The following NDUFA6 variants were observed in gnomAD, a reference collection of about 807,000 sequenced individuals.
NDUFA6 encodes the protein NADH dehydrogenase [ubiquinone] 1 alpha subcomplex subunit 6.
NDUFA6 carries 10 observed loss-of-function variants against 12.5 expected under a neutral mutation model. That is an observed-to-expected ratio of 0.80 (90% confidence interval 0.49 to 1.35). NDUFA6 has a LOEUF of 1.35. Ranked by LOEUF, NDUFA6 falls within the 40% of genes most tolerant of loss-of-function variation. The pLI is 0.00. For missense variants in NDUFA6, 177 were observed against 173.5 expected (o/e 1.02, Z -0.11); for synonymous variants, 66 against 63.0 (o/e 1.05, Z -0.23).
At position 42,090,638 on chromosome 22, in the gene NDUFA6, T is replaced by C; in HGVS notation, c.107A>G (p.Tyr36Cys). Residue 36 changes from tyrosine (Y) to cysteine (C), a missense_variant, in exon 1 of 3, where the codon TAC becomes TGC. Around this residue, in one of 3 missense-constraint regions of NDUFA6, gnomAD observed 111 missense variants for 87.2 expected, o/e 1.27. Coordinates refer to ENST00000498737, the MANE Select transcript of NDUFA6 (RefSeq NM_002490.6). ...CGGCACCTCCCGATACCAGGCGCGGTAGAGCTCGCGCACCCTCCGCTTGGC... is the reference window on the plus strand; with the variant it reads ...CGGCACCTCCCGATACCAGGCGCGGCAGAGCTCGCGCACCCTCCGCTTGGC... ...NEAKRRVRELYRAWYREVPNT... is the reference protein window; with the variant it reads ...NEAKRRVRELCRAWYREVPNT... The C allele has an allele frequency of 1.2e-6, 2 of 1,614,042 alleles. No homozygotes were observed. Among genetic ancestry groups the C allele is most frequent in the Non-Finnish European group, 8.5e-7 (1 of 1,180,024 alleles).
chr22:42,087,457 T>C (rs1015865505), intron 1 of NDUFA6: 3 of 453,666 alleles, frequency 6.6e-6, no homozygotes, highest in Non-Finnish European at 1.2e-5. Flanking sequence ...TTTTGTTAGC[T>C]ATATGATCCC....
intron 1 of NDUFA6, among the ~76,000 whole-genome samples, chr22:42,090,386 T>C (rs1225756509): frequency 6.6e-6 from 1 of 152,096 alleles, no homozygotes; most frequent in African/African-American, 2.4e-5. Context: ...AGACCAAAGC[T>C]CCGATAGCAC....
rs370102519 is a variant in NDUFA6, at chr22:42,087,055, G to A, written c.255+5C>T. 322 of 1,592,310 alleles carry A rather than the reference G, an allele frequency of 2.0e-4. No homozygotes were observed. Among genetic ancestry groups the A allele is most frequent in the Admixed American group, 3.5e-4 (21 of 59,986 alleles). ...CTTTTAAATTGGTCAGGGAGGGTCA[G>A]TTACCTTAATGACCAGAAGATCAAC... On this transcript the variant is annotated splice_donor_5th_base_variant and intron_variant, in intron 2 of 2. Coordinates refer to ENST00000498737, the MANE Select transcript of NDUFA6 (RefSeq NM_002490.6).
chr22:42,085,711 T>G lies in NDUFA6; in HGVS notation c.*472A>C. 1 of 242,726 alleles carries G rather than the reference T, an allele frequency of 4.1e-6. No individual in the cohort carries two copies. Among genetic ancestry groups the G allele is most frequent in the Non-Finnish European group, 8.2e-6 (1 of 122,182 alleles). 15.0% of individuals were successfully genotyped at this position (242,726 alleles called of 1,614,324 possible). On this transcript the variant is annotated 3_prime_UTR_variant, in exon 3 of 3. Transcript: ENST00000498737. ...TTGTTACAAGTAGCGGAGCCAAGCC[T>G]TTGCACATCCATTTTCTTCAGAACC... is the stretch of plus-strand genomic sequence containing the variant.
intron 1 of NDUFA6, among the ~76,000 whole-genome samples, chr22:42,088,703 A>AAG (rs1447563941): frequency 6.7e-6 from 1 of 148,190 alleles, no homozygotes; most frequent in Non-Finnish European, 1.5e-5. Context: ...CCTGGGAGAC[A>AAG]AGAGCGAGAC....
At position 42,090,563 on chromosome 22, in the gene NDUFA6, G is replaced by C. The variant is rs202187275; in HGVS notation, c.139+43C>G. ...CCCCGGCCGGGCCGGCTACGACCTTGAGCGGCGGCCTCCGGGTCCCCACGT... is the reference window on the plus strand; with the variant it reads ...CCCCGGCCGGGCCGGCTACGACCTTCAGCGGCGGCCTCCGGGTCCCCACGT... On this transcript the variant is annotated intron_variant, in intron 1 of 2. Coordinates refer to ENST00000498737, the MANE Select transcript of NDUFA6 (RefSeq NM_002490.6). 7.6e-5 allele frequency: 123 copies of C among 1,609,000 alleles called. No homozygotes were observed. The Admixed American group carries it at 9.2e-4, about 12-fold the overall frequency.
chr22:42,090,548 G>T (rs1399723824), intron 1 of NDUFA6, 58 bp downstream of exon 1: 1 of 1,598,848 alleles, frequency 6.3e-7, no homozygotes, highest in Non-Finnish European at 8.6e-7. Flanking sequence ...CCCCGGCCGG[G>T]CCGGCTACGA....
chr22:42,087,630 G>A (rs903960711), intron 1 of NDUFA6, among the ~76,000 whole-genome samples: 1 of 151,228 alleles, frequency 6.6e-6, no homozygotes, highest in Non-Finnish European at 1.5e-5. Context: ...GTGAAACCCC[G>A]TCTCTACTAA....
chr22:42,089,050 C>G (rs958500777), intron 1 of NDUFA6, among the ~76,000 whole-genome samples: 2 of 152,038 alleles, frequency 1.3e-5, no homozygotes, highest in African/African-American at 4.8e-5. Flanking sequence ...TCTCAAGACC[C>G]TTCTGACTTT....
intron 1 of NDUFA6, among the ~76,000 whole-genome samples, chr22:42,089,293 T>C (rs1928470990): frequency 1.3e-5 from 2 of 149,552 alleles, no homozygotes; most frequent in Non-Finnish European, 2.9e-5. Flanking sequence ...AACATTATGT[T>C]TTCAAACTGC....
chr22:42,088,189 T>C (rs1321404675), intron 1 of NDUFA6, among the ~76,000 whole-genome samples: 1 of 121,178 alleles, frequency 8.3e-6, no homozygotes, highest in Admixed American at 8.4e-5. Context: ...GGGTGGATCA[T>C]GAGGTCAGGA....
chr22:42,085,987 C>A lies in NDUFA6; in HGVS notation c.*196G>T. 1 of 690,038 alleles carries A rather than the reference C, an allele frequency of 1.4e-6. No individual in the cohort carries two copies. The allele number at this position is 690,038 out of a possible 1,614,324, so 42.7% of individuals were successfully genotyped here. On this transcript the variant is annotated 3_prime_UTR_variant, in exon 3 of 3. Transcript: ENST00000498737. ...AGGCTCTGAGAAAAATAATTCAATC[C>A]AATTTACAGCAAACACCACATTTCA...
At position 42,085,984 on chromosome 22, in the gene NDUFA6, A is replaced by G. The variant is rs187724944; in HGVS notation, c.*199T>C. Reference sequence around the variant, plus strand: ...GCAAGGCTCTGAGAAAAATAATTCAATCCAATTTACAGCAAACACCACATT... The same window carrying G: ...GCAAGGCTCTGAGAAAAATAATTCAGTCCAATTTACAGCAAACACCACATT... On this transcript the variant is annotated 3_prime_UTR_variant, in exon 3 of 3. Coordinates refer to ENST00000498737, the MANE Select transcript of NDUFA6 (RefSeq NM_002490.6). 182 of 685,098 alleles carry G rather than the reference A, an allele frequency of 2.7e-4. No homozygotes were observed. The African/African-American group carries it at 2.9e-3, about 11-fold the overall frequency. The allele number at this position is 685,098 out of a possible 1,614,324, so 42.4% of individuals were successfully genotyped here. A position where few individuals can be genotyped will look rare whatever the true frequency, so the allele number is the denominator to read the frequency against.
intron 1 of NDUFA6, 112 bp from the exon 2 acceptor site, chr22:42,087,287 A>C: frequency 1.2e-6 from 1 of 828,210 alleles, no homozygotes; most frequent in East Asian, 2.5e-5. Context: ...TCACCAAAAA[A>C]TTAGCCTGAC....
chr22:42,087,776 T>C (rs938287872), intron 1 of NDUFA6, among the ~76,000 whole-genome samples: 2 of 149,544 alleles, frequency 1.3e-5, no homozygotes, highest in African/African-American at 5.0e-5. Flanking sequence ...CACTCCAGCC[T>C]GGGTGACAGA....
rs768727500 is a variant in NDUFA6 at position 42,086,159 on chromosome 22, C to A, written c.*24G>T. 1.2e-6 allele frequency: 2 copies of A among 1,614,046 alleles called. No homozygotes were observed. Among genetic ancestry groups the A allele is most frequent in the Non-Finnish European group, 1.7e-6 (2 of 1,180,004 alleles). On this transcript the variant is annotated 3_prime_UTR_variant, in exon 3 of 3. Transcript: ENST00000498737. ...TATTTGTGCTCTAAAATAGTATCAA[C>A]GTGCATCTTTCCACTGAATGACTTC...
intron 1 of NDUFA6, 142 bp downstream of exon 1, chr22:42,090,464 G>T (rs1928569490): frequency 1.9e-6 from 2 of 1,028,780 alleles, no homozygotes; most frequent in Non-Finnish European, 3.0e-6. Flanking sequence ...GGTAGGCTCG[G>T]GTGACCCTCT....
rs1928195120 is a variant in NDUFA6, at chr22:42,085,754, T to A, written c.*429A>T. On this transcript the variant is annotated 3_prime_UTR_variant, in exon 3 of 3. Transcript: ENST00000498737. ...TCAGAACCCAAGGAAAACTAGCCCA[T>A]CTTGACAGCTCTACTTTTGCGCCTG... 3.8e-6 allele frequency: 1 copy of A among 264,992 alleles called. No homozygotes were observed. The highest frequency in any genetic ancestry group is 7.4e-6 in the Non-Finnish European group (1 of 135,062). 16.4% of individuals were successfully genotyped at this position (264,992 alleles called of 1,614,324 possible).
intron 1 of NDUFA6, among the ~76,000 whole-genome samples, chr22:42,089,048 C>G (rs1032844016): frequency 6.6e-6 from 1 of 151,998 alleles, no homozygotes; most frequent in Non-Finnish European, 1.5e-5. Flanking sequence ...CCTCTCAAGA[C>G]CCTTCTGACT....
Sources: gnomAD v4.1 joint callset for allele counts (sites outside exome capture counted in the v4.1 genomes callset) on GRCh38, gnomAD v4.1.1 for gene constraint, gnomAD v4.1.1 regional missense constraint, MANE v1.5 for transcripts, NCBI Gene and HGNC (gene_info 2026-07-23, HGNC 2026-07-21) for gene names.